The following RBMS3 variants were observed in gnomAD, a reference collection of about 807,000 sequenced individuals.
The protein encoded by RBMS3 is RNA-binding motif, single-stranded-interacting protein 3.
In RBMS3, 27 loss-of-function variants were observed where a neutral mutation model predicts 66.8. That is an observed-to-expected ratio of 0.40 (90% confidence interval 0.30 to 0.56). The LOEUF (loss-of-function observed/expected upper bound fraction) is 0.56. RBMS3 is among the 20% of genes least tolerant of loss of function. The probability of loss-of-function intolerance (pLI) is 0.40; values close to 1 mark genes in which losing one functional copy is unlikely to be tolerated. For missense variants in RBMS3, 513 were observed against 549.5 expected, an observed-to-expected ratio of 0.93 and a Z score of 0.66; for synonymous variants, 188 against 183.0, an observed-to-expected ratio of 1.03 and a Z score of -0.22.
In RBMS3 at chr3:29,337,020, T is replaced by C. The variant is rs555782335; in HGVS notation, c.75+55264T>C. On this transcript the variant is annotated intron_variant, in intron 1 of 14. Transcript: ENST00000383767. ...TAAAATGCTCTAATTATAATTTCAT[T>C]GTAACATGCTTAAAATTCTAAAATT... is the stretch of plus-strand genomic sequence containing the variant. Among the ~76,000 whole-genome samples, 97 of 152,232 alleles carry C rather than the reference T, an allele frequency of 6.4e-4. No individual in the cohort carries two copies. In the Middle Eastern group the frequency reaches 0.01, roughly 16 times the overall value.
At chr3:29,881,028 A>C (rs1305105545) in intron 7 of RBMS3, among the ~76,000 whole-genome samples, 1 of 151,784 alleles carries the variant, frequency 6.6e-6, no homozygotes, top group Non-Finnish European at 1.5e-5. Flanking sequence ...AGCTCCCCCA[A>C]GAGGAGCTGG....
rs527809308 is a variant in RBMS3, at chr3:29,612,515, T to G, written c.399+25310T>G. Among the ~76,000 whole-genome samples, 18 of 152,202 alleles carry G rather than the reference T, an allele frequency of 1.2e-4. No homozygotes were observed. The South Asian group carries it at 3.5e-3, about 30-fold the overall frequency. ...TATAAAACTGTATGTGTAGGATAAA[T>G]GCATAGAGGTGGGTCTAAGGGAATA... is the stretch of plus-strand genomic sequence containing the variant. On this transcript the variant is annotated intron_variant, in intron 4 of 14. Transcript: ENST00000383767.
chr3:29,598,233 A>C (rs2048023964), intron 4 of RBMS3, among the ~76,000 whole-genome samples: 1 of 152,114 alleles, frequency 6.6e-6, no homozygotes, highest in Admixed American at 6.6e-5. Context: ...AGCACACAGA[A>C]GTCTGTGTTT....
At chr3:29,788,505 A>G (rs984222146) in intron 6 of RBMS3, among the ~76,000 whole-genome samples, 4 of 152,130 alleles carry the variant, frequency 2.6e-5, no homozygotes, top group African/African-American at 9.7e-5. Context: ...GATTACAGGC[A>G]TGAGCCACTC....
intron 3 of RBMS3, among the ~76,000 whole-genome samples, chr3:29,548,604 A>G (rs1482572764): frequency 6.6e-6 from 1 of 152,118 alleles, no homozygotes; most frequent in Admixed American, 6.5e-5. Context: ...CTTTATAAGA[A>G]AAAGGAAAAC....
chr3:29,968,502 G>A (rs1371950885), intron 12 of RBMS3, among the ~76,000 whole-genome samples: 2 of 152,160 alleles, frequency 1.3e-5, no homozygotes, highest in African/African-American at 4.8e-5. Flanking sequence ...AGGACCCGGT[G>A]AGCTCCCAGG....
chr3:29,723,390 T>G (rs922647817), intron 4 of RBMS3, among the ~76,000 whole-genome samples: 3 of 152,218 alleles, frequency 2.0e-5, no homozygotes, highest in Admixed American at 2.0e-4. Context: ...TATTAGCTTT[T>G]ATTATACTTT....
intron 2 of RBMS3, among the ~76,000 whole-genome samples, chr3:29,467,332 G>A (rs532236028): frequency 6.6e-6 from 1 of 152,274 alleles, no homozygotes; most frequent in East Asian, 1.9e-4. Flanking sequence ...AACCTGAAAA[G>A]TTATCTTGAC....
At chr3:29,640,718 C>T (rs893419280) in intron 4 of RBMS3, among the ~76,000 whole-genome samples, 1 of 148,916 alleles carries the variant, frequency 6.7e-6, no homozygotes, top group Non-Finnish European at 1.5e-5. Context: ...GGCATTTTTT[C>T]CTTGTTTTAA....
At chr3:29,418,617 A>G (rs1297318146) in intron 1 of RBMS3, among the ~76,000 whole-genome samples, 1 of 152,098 alleles carries the variant, frequency 6.6e-6, no homozygotes, top group East Asian at 1.9e-4. Context: ...TTTCGGCATT[A>G]AAAAAAGAGC....
chr3:29,421,733 G>C (rs796447524), intron 1 of RBMS3, among the ~76,000 whole-genome samples: 38 of 152,234 alleles, frequency 2.5e-4, no homozygotes, highest in African/African-American at 8.7e-4. Flanking sequence ...ACTATTAGTA[G>C]CTCCTCTCAG....
intron 6 of RBMS3, among the ~76,000 whole-genome samples, chr3:29,794,275 C>T (rs941787186): frequency 5.3e-5 from 8 of 152,104 alleles, no homozygotes; most frequent in African/African-American, 1.9e-4. Flanking sequence ...TTAGCTCTCT[C>T]CCCAGGGAAG....
chr3:29,828,536 C>T (rs1364504371), intron 6 of RBMS3, among the ~76,000 whole-genome samples: 1 of 152,152 alleles, frequency 6.6e-6, no homozygotes, highest in Non-Finnish European at 1.5e-5. Flanking sequence ...CACATATATA[C>T]ATATCTTTTC....
intron 4 of RBMS3, among the ~76,000 whole-genome samples, chr3:29,649,866 A>G (rs1177215276): frequency 2.0e-5 from 3 of 152,232 alleles, no homozygotes; most frequent in Non-Finnish European, 2.9e-5. Context: ...TCATCATACT[A>G]TAATTATGTA....
At chr3:29,764,029 T>C (rs1355685432) in intron 6 of RBMS3, among the ~76,000 whole-genome samples, 1 of 152,064 alleles carries the variant, frequency 6.6e-6, no homozygotes, top group Non-Finnish European at 1.5e-5. Context: ...AGCATTTTAG[T>C]TCCTTAAAAT....
intron 12 of RBMS3, among the ~76,000 whole-genome samples, chr3:29,958,070 A>G (rs926867444): frequency 4.6e-5 from 7 of 152,180 alleles, no homozygotes; most frequent in African/African-American, 1.7e-4. Flanking sequence ...GAAGAAATGC[A>G]GCCAGCCTGT....
intron 3 of RBMS3, among the ~76,000 whole-genome samples, chr3:29,546,234 A>G: frequency 6.6e-6 from 1 of 152,034 alleles, no homozygotes; most frequent in East Asian, 1.9e-4. Flanking sequence ...TGACAACCCT[A>G]CAAGGTGCAT....
At chr3:29,517,414 C>T (rs1315148308) in intron 3 of RBMS3, among the ~76,000 whole-genome samples, 1 of 151,622 alleles carries the variant, frequency 6.6e-6, no homozygotes, top group Non-Finnish European at 1.5e-5. Context: ...GCTCCACCTC[C>T]CAGGTTTACG....
chr3:29,432,291 A>G (rs771956236), intron 1 of RBMS3, among the ~76,000 whole-genome samples: 9 of 152,204 alleles, frequency 5.9e-5, no homozygotes, highest in African/African-American at 1.9e-4. Flanking sequence ...GAACAACAGC[A>G]ACATTGAAAG....
Sources: allele counts gnomAD v4.1 joint callset (sites outside exome capture counted in the v4.1 genomes callset), GRCh38; gene constraint gnomAD v4.1.1; transcripts MANE v1.5; gene names NCBI Gene and HGNC (gene_info 2026-07-23, HGNC 2026-07-21).